Variants in CPNE4 observed in about 807,000 individuals in gnomAD.
CPNE4 encodes copine-4.
Under a neutral mutation model 67.9 loss-of-function variants are expected in CPNE4, and 25 were observed. The ratio of observed to expected loss-of-function variants is 0.37; its 90% CI spans 0.27 to 0.51. CPNE4 has a LOEUF of 0.51. CPNE4 is among the 20% of genes least tolerant of loss of function. The pLI is 0.93. For missense variants in CPNE4, 464 were observed against 690.8 expected (o/e 0.67, Z 3.68); for synonymous variants, 242 against 244.9 (o/e 0.99, Z 0.11).
chr3:131,920,020 G>T (rs2070697659), intron 1 of CPNE4, among the ~76,000 whole-genome samples: 1 of 152,162 alleles, frequency 6.6e-6, no homozygotes, highest in Admixed American at 6.5e-5. Context: ...CAGTCAGCAG[G>T]TGTGAGTTGC....
In CPNE4 at chr3:132,034,627, C is replaced by T; in HGVS notation, c.-62G>A. The T allele has an allele frequency of 3.0e-6, 3 of 985,404 alleles. No homozygotes were observed. The highest frequency in any genetic ancestry group is 3.6e-6 in the Non-Finnish European group (3 of 829,996). 61.0% of individuals were successfully genotyped at this position (985,404 alleles called of 1,614,324 possible). On this transcript the variant is annotated 5_prime_UTR_variant, in exon 1 of 16. Transcript: ENST00000429747. ...TCAGCCCGGGACGAGGTCTGTCCCGCCCCCAGGATGCAAAATCCGGCTTTG... is the reference window on the plus strand; with the variant it reads ...TCAGCCCGGGACGAGGTCTGTCCCGTCCCCAGGATGCAAAATCCGGCTTTG...
chr3:131,708,959 T>TTAC (rs2081485954), intron 3 of CPNE4, among the ~76,000 whole-genome samples: 1 of 55,708 alleles, frequency 1.8e-5, no homozygotes, highest in African/African-American at 1.1e-4. Flanking sequence ...GGCATAAAGA[T>TTAC]ATATATATAT....
chr3:131,957,944 G>A (rs1583514241), intron 1 of CPNE4, among the ~76,000 whole-genome samples: 1 of 152,294 alleles, frequency 6.6e-6, no homozygotes, highest in African/African-American at 2.4e-5. Flanking sequence ...GTTGGGGGGA[G>A]AAGGATGTAA....
At chr3:132,000,305 T>C (rs912541068) in intron 1 of CPNE4, among the ~76,000 whole-genome samples, 1 of 151,952 alleles carries the variant, frequency 6.6e-6, no homozygotes, top group Non-Finnish European at 1.5e-5. Flanking sequence ...GTGTTATAAG[T>C]TCTCCCAGTC....
intron 2 of CPNE4, among the ~76,000 whole-genome samples, chr3:131,759,820 A>G (rs1372341355): frequency 6.6e-6 from 1 of 152,208 alleles, no homozygotes; most frequent in African/African-American, 2.4e-5. Flanking sequence ...AGAAAATTTC[A>G]GCACTATTCC....
chr3:131,647,162 C>A (rs532835576), intron 7 of CPNE4, among the ~76,000 whole-genome samples: 2 of 152,180 alleles, frequency 1.3e-5, no homozygotes, highest in Admixed American at 6.5e-5. Context: ...AAGTGAAAGA[C>A]GGAGCCTGAG....
intron 2 of CPNE4, among the ~76,000 whole-genome samples, chr3:131,885,672 C>T (rs1256846332): frequency 1.3e-5 from 2 of 152,184 alleles, no homozygotes; most frequent in Non-Finnish European, 2.9e-5. Context: ...GGTATATCTC[C>T]CAATGCTATC....
chr3:131,577,590 G>C (rs72999216), intron 9 of CPNE4, among the ~76,000 whole-genome samples: 2,026 of 152,138 alleles, frequency 0.013, 34 homozygotes, highest in African/African-American at 0.046. Flanking sequence ...TAAAAATATG[G>C]TATAAAATAT....
At chr3:131,586,176 A>G (rs144668477) in intron 8 of CPNE4, among the ~76,000 whole-genome samples, 6 of 152,308 alleles carry the variant, frequency 3.9e-5, no homozygotes, top group East Asian at 3.9e-4. Context: ...AAAGAAAAAG[A>G]CTTTCTCAAA....
intron 3 of CPNE4, among the ~76,000 whole-genome samples, chr3:131,711,302 T>C (rs1157930557): frequency 6.6e-6 from 1 of 152,234 alleles, no homozygotes; most frequent in Admixed American, 6.5e-5. Flanking sequence ...AACTCAGCAC[T>C]GCTTTTGTCT....
chr3:131,865,166 C>CT (rs990287614), intron 2 of CPNE4, among the ~76,000 whole-genome samples: 84 of 151,834 alleles, frequency 5.5e-4, no homozygotes, highest in Non-Finnish European at 9.3e-4. Flanking sequence ...CTAAAATTCC[C>CT]TTTTTTTTGT....
chr3:131,978,193 T>TAC, intron 1 of CPNE4, among the ~76,000 whole-genome samples: 2 of 54,450 alleles, frequency 3.7e-5, no homozygotes, highest in African/African-American at 2.5e-4. Flanking sequence ...ATAATATATT[T>TAC]ATAATTATTA....
intron 2 of CPNE4, among the ~76,000 whole-genome samples, chr3:131,815,700 T>C (rs1442663344): frequency 6.6e-6 from 1 of 152,172 alleles, no homozygotes; most frequent in Non-Finnish European, 1.5e-5. Context: ...ACCAAGAGGA[T>C]GGTGGACTTA....
intron 1 of CPNE4, among the ~76,000 whole-genome samples, chr3:131,986,303 T>C (rs1583562564): frequency 6.6e-6 from 1 of 152,306 alleles, no homozygotes; most frequent in African/African-American, 2.4e-5. Flanking sequence ...AAGTTCAAGC[T>C]ACCAACATGA....
rs1229237640 is a variant in CPNE4 at position 131,993,832 on chromosome 3, C to CA, written c.-2+40734dup. Among the ~76,000 whole-genome samples the CA allele has an allele frequency of 4.4e-5, 6 of 135,154 alleles. 2 individuals are homozygous for CA. The Admixed American group carries it at 5.0e-4, about 11-fold the overall frequency. The allele number at this position is 135,154 out of a possible 152,430, so 88.7% of individuals were successfully genotyped here. A position where few individuals can be genotyped will look rare whatever the true frequency, so the allele number is the denominator to read the frequency against. On this transcript the variant is annotated intron_variant, in intron 1 of 15. Coordinates refer to ENST00000429747, the MANE Select transcript of CPNE4 (RefSeq NM_130808.3). Reference sequence around the variant, plus strand: ...ATCGGAGTAGAGATCTTTACTAGTGCAAAAATACAAGAAAAAGACATACAA... The same window carrying CA: ...ATCGGAGTAGAGATCTTTACTAGTGCAAAAAATACAAGAAAAAGACATACAA...
intron 1 of CPNE4, among the ~76,000 whole-genome samples, chr3:132,029,251 G>A (rs1252231340): frequency 1.3e-5 from 2 of 152,200 alleles, no homozygotes; most frequent in Admixed American, 6.5e-5. Context: ...AGACTGTCCA[G>A]CCGCGGAGCA....
chr3:131,885,107 C>T (rs9854878), intron 2 of CPNE4, among the ~76,000 whole-genome samples: 43,813 of 152,104 alleles, frequency 0.29, 7,381 homozygotes, highest in Non-Finnish European at 0.37. Context: ...TTAGAACTTT[C>T]TAGAGACTTG....
chr3:131,960,281 A>G (rs2072128443), intron 1 of CPNE4, among the ~76,000 whole-genome samples: 1 of 152,216 alleles, frequency 6.6e-6, no homozygotes, highest in African/African-American at 2.4e-5. Context: ...TTCAATCCAC[A>G]GTTAATTTCA....
intron 1 of CPNE4, among the ~76,000 whole-genome samples, chr3:131,935,409 G>C (rs1229541030): frequency 6.6e-6 from 1 of 152,118 alleles, no homozygotes; most frequent in East Asian, 1.9e-4. Context: ...TCTGGAAAGT[G>C]GGATGTTTTA....
Sources: gnomAD v4.1 joint callset for allele counts (sites outside exome capture counted in the v4.1 genomes callset) on GRCh38, gnomAD v4.1.1 for gene constraint, MANE v1.5 for transcripts, NCBI Gene and HGNC (gene_info 2026-07-23, HGNC 2026-07-21) for gene names.